Variants in SARDH observed in about 807,000 individuals in gnomAD.
SARDH encodes the protein sarcosine dehydrogenase, also known as sarcosine dehydrogenase, mitochondrial.
Under a neutral mutation model 109.1 loss-of-function variants are expected in SARDH, and 95 were observed. The observed-to-expected ratio is 0.87, with a 90% CI of 0.74 to 1.03. The LOEUF is 1.03. SARDH is among the 50% of genes least tolerant of loss of function. The probability of loss-of-function intolerance (pLI) is 0.00; values close to 1 mark genes in which losing one functional copy is unlikely to be tolerated. For missense variants in SARDH, 1,267 were observed against 1,287.8 expected (o/e 0.98, Z 0.25); for synonymous variants, 572 against 534.8 (o/e 1.07, Z -0.96).
At position 133,730,096 on chromosome 9, in the gene SARDH, G is replaced by C. The variant is rs1293857927; in HGVS notation, c.782C>G (p.Ser261Cys). Residue 261 changes from serine (S) to cysteine (C), a missense_variant, in exon 5 of 21, where the codon TCC becomes TGC. Coordinates refer to ENST00000439388, the MANE Select transcript of SARDH (RefSeq NM_001134707.2). Reference protein sequence around the residue: ...RVAGVETQHGSIQTPCVVNCA... With the variant: ...RVAGVETQHGCIQTPCVVNCA... Reference sequence around the variant, plus strand: ...GTTGACCACGCAGGGTGTCTGGATGGAACCATGCTGAGTCTCCACACCCGC... The same window carrying C: ...GTTGACCACGCAGGGTGTCTGGATGCAACCATGCTGAGTCTCCACACCCGC... 1 of 1,614,218 alleles carries C rather than the reference G, an allele frequency of 6.2e-7. No individual in the cohort carries two copies. Among genetic ancestry groups the C allele is most frequent in the Non-Finnish European group, 8.5e-7 (1 of 1,180,036 alleles).
chr9:133,678,468 C>T (rs1439254063), intron 17 of SARDH, among the ~76,000 whole-genome samples: 2 of 152,222 alleles, frequency 1.3e-5, no homozygotes, highest in African/African-American at 2.4e-5. Flanking sequence ...GCCCTCTCCC[C>T]CAAAGCCAGC....
chr9:133,738,434 G>A (rs1001600903), upstream of SARDH: 3 of 152,162 alleles, frequency 2.0e-5, no homozygotes, highest in East Asian at 1.9e-4. Flanking sequence ...CCACCACTGC[G>A]GCTTCTAGGC....
intron 8 of SARDH, among the ~76,000 whole-genome samples, chr9:133,714,421 G>A (rs1264254233): frequency 6.6e-6 from 1 of 152,204 alleles, no homozygotes; most frequent in East Asian, 1.9e-4. Flanking sequence ...AGAGGGCAGA[G>A]GCCGGAGCAG....
In SARDH at chr9:133,709,182, G is replaced by A. The variant is rs891897111; in HGVS notation, c.1329-754C>T. Among the ~76,000 whole-genome samples the A allele has an allele frequency of 3.3e-5, 5 of 152,198 alleles. No individual in the cohort carries two copies. The highest frequency in any genetic ancestry group is 2.1e-4 in the South Asian group (1 of 4,832). On this transcript the variant is annotated intron_variant, in intron 10 of 20. Coordinates refer to ENST00000439388, the MANE Select transcript of SARDH (RefSeq NM_001134707.2). The surrounding 1 kb of genome is among the most constrained non-coding windows in gnomAD (Gnocchi z 4.2). ...ACAGTGTGCGGCCACGGCAGCCCCC[G>A]GTGGTGTCCAGCACGAACCCGGCGG...
chr9:133,702,413 G>C (rs981456197), intron 13 of SARDH, among the ~76,000 whole-genome samples: 8 of 152,348 alleles, frequency 5.3e-5, no homozygotes, highest in Admixed American at 3.9e-4. Flanking sequence ...CAGCAAGCAG[G>C]CTCCAGGCCA....
Position 133,712,595 on chromosome 9 carries a change from C to T in SARDH, c.1328+24G>A, listed in dbSNP as rs1293438680. 1.2e-5 allele frequency: 19 copies of T among 1,593,852 alleles called. No homozygotes were observed. The highest frequency in any genetic ancestry group is 1.5e-5 in the Non-Finnish European group (18 of 1,171,032). On this transcript the variant is annotated intron_variant, in intron 10 of 20. Transcript: ENST00000439388. This position sits in a 1 kb window ranked among gnomAD's most constrained non-coding sequence, Gnocchi z 4.1. ...ACCTGTCCTGAGTGGCGGGCCCTGC[C>T]CTTAGGTCCCAATGGGCACTTACCT... is the stretch of plus-strand genomic sequence containing the variant.
chr9:133,678,632 G>C (rs1040798871), intron 17 of SARDH, among the ~76,000 whole-genome samples: 3 of 152,168 alleles, frequency 2.0e-5, no homozygotes, highest in African/African-American at 7.2e-5. Flanking sequence ...GCACTGCACG[G>C]AGAGGCCAAG....
At position 133,666,790 on chromosome 9, in the gene SARDH, A is replaced by T; in HGVS notation, c.2576T>A (p.Phe859Tyr). The T allele has an allele frequency of 5.0e-6, 8 of 1,605,552 alleles. No homozygotes were observed. The highest frequency in any genetic ancestry group is 6.8e-6 in the Non-Finnish European group (8 of 1,176,324). Reference sequence around the variant, plus strand: ...GTAGGCGATGGTCTTGTCGATGGCGAACCCAAAGTCAGCCCTCCGGACATG... The same window carrying T: ...GTAGGCGATGGTCTTGTCGATGGCGTACCCAAAGTCAGCCCTCCGGACATG... Reference protein sequence around the residue: ...VGHVRRADFGFAIDKTIAYGY... With the variant: ...VGHVRRADFGYAIDKTIAYGY... Residue 859 changes from phenylalanine (F) to tyrosine (Y), a missense_variant, in exon 20 of 21, where the codon TTC becomes TAC. Transcript: ENST00000439388. The surrounding 1 kb of genome is among the most constrained non-coding windows in gnomAD (Gnocchi z 5.2).
chr9:133,668,434 C>A (rs1228353579), intron 19 of SARDH, among the ~76,000 whole-genome samples: 1 of 50,042 alleles, frequency 2.0e-5, no homozygotes, highest in Non-Finnish European at 3.8e-5. Flanking sequence ...CTTCACCCTC[C>A]CTCTCCCTTA....
intron 6 of SARDH, among the ~76,000 whole-genome samples, chr9:133,721,373 C>T (rs529692587): frequency 1.5e-4 from 23 of 152,294 alleles, no homozygotes; most frequent in Admixed American, 4.6e-4. Flanking sequence ...AGCCATCAAT[C>T]GAGTGTAAGC....
intron 17 of SARDH, among the ~76,000 whole-genome samples, chr9:133,673,413 T>C (rs1376376299): frequency 3.3e-5 from 5 of 152,214 alleles, no homozygotes; most frequent in African/African-American, 1.2e-4. Context: ...GCGGAGGAGC[T>C]GATTCCACCA....
intron 13 of SARDH, among the ~76,000 whole-genome samples, chr9:133,696,673 G>C (rs915679759): frequency 1.3e-5 from 2 of 152,052 alleles, no homozygotes; most frequent in African/African-American, 4.8e-5. Flanking sequence ...AATAGCAGAA[G>C]AACAATTGGA....
intron 13 of SARDH, 22 bp downstream of exon 13, chr9:133,702,894 A>G: frequency 6.2e-7 from 1 of 1,606,314 alleles, no homozygotes; most frequent in South Asian, 1.1e-5. Context: ...ACGGACCCCC[A>G]CGGTGGACCC....
chr9:133,718,815 C>G lies in SARDH; in HGVS notation c.1020+123G>C, dbSNP rs867922146. 3 of 847,564 alleles carry G rather than the reference C, an allele frequency of 3.5e-6. No individual in the cohort carries two copies. The South Asian group carries it at 4.0e-5, about 11-fold the overall frequency. 52.5% of individuals were successfully genotyped at this position (847,564 alleles called of 1,614,324 possible). On this transcript the variant is annotated intron_variant, in intron 7 of 20. Coordinates refer to ENST00000439388, the MANE Select transcript of SARDH (RefSeq NM_001134707.2). The surrounding 1 kb of genome is among the most constrained non-coding windows in gnomAD (Gnocchi z 4.2). Reference sequence around the variant, plus strand: ...CTTTGAGCTTGGTGGGGTCAGGGGACCGGCCACTTCTCAGGTGTGCCTCTG... The same window carrying G: ...CTTTGAGCTTGGTGGGGTCAGGGGAGCGGCCACTTCTCAGGTGTGCCTCTG...
At chr9:133,715,353 C>T (rs544744621) in intron 8 of SARDH, among the ~76,000 whole-genome samples, 5 of 152,280 alleles carry the variant, frequency 3.3e-5, no homozygotes, top group South Asian at 2.1e-4. Context: ...GACAGAGAGA[C>T]GCCTGGGGTT....
chr9:133,723,689 G>GT (rs1832399973), intron 6 of SARDH, among the ~76,000 whole-genome samples: 1 of 152,208 alleles, frequency 6.6e-6, no homozygotes, highest in African/African-American at 2.4e-5. Context: ...CATGAACCCA[G>GT]GAGGCAGAGC....
At chr9:133,698,289 G>A (rs1159677534) in intron 13 of SARDH, among the ~76,000 whole-genome samples, 2 of 152,118 alleles carry the variant, frequency 1.3e-5, no homozygotes, top group East Asian at 3.9e-4. Flanking sequence ...TAAGTGGAAA[G>A]ACAGCCCATG....
chr9:133,730,006 C>T, intron 5 of SARDH, 58 bp downstream of exon 5: 2 of 1,604,724 alleles, frequency 1.2e-6, no homozygotes, highest in Non-Finnish European at 1.7e-6. Context: ...GAGGTGGGAG[C>T]AGGTTTAGGG....
chr9:133,705,967 G>A (rs2510245), intron 11 of SARDH, among the ~76,000 whole-genome samples: 81,548 of 151,950 alleles, frequency 0.54, 22,047 homozygotes, highest in Middle Eastern at 0.57. Context: ...GGAACCCATC[G>A]TCTGACACCT....
Sources: allele counts gnomAD v4.1 joint callset (sites outside exome capture counted in the v4.1 genomes callset), GRCh38; gene constraint gnomAD v4.1.1; non-coding constraint Gnocchi (gnomAD v3.1); transcripts MANE v1.5; gene names NCBI Gene and HGNC (gene_info 2026-07-23, HGNC 2026-07-21).